NCAM1: variants seen among roughly 807,000 people sequenced by gnomAD.
NCAM1 encodes antigen recognized by monoclonal antibody 5.1H11.
In NCAM1, 14 loss-of-function variants were observed where a neutral mutation model predicts 109.8. The ratio of observed to expected loss-of-function variants is 0.13; its 90% CI spans 0.08 to 0.20. The LOEUF is 0.20. Among genes scored for constraint, NCAM1 ranks in the 10% least tolerant of loss-of-function variants. The pLI, the probability that NCAM1 is intolerant of heterozygous loss-of-function variation, is 1.00. For missense variants in NCAM1, 774 were observed against 1,109.9 expected (o/e 0.70, Z 4.30); for synonymous variants, 418 against 442.9 (o/e 0.94, Z 0.70).
chr11:113,062,456 C>G (rs1319467758), intron 1 of NCAM1, among the ~76,000 whole-genome samples: 1 of 152,132 alleles, frequency 6.6e-6, no homozygotes, highest in Non-Finnish European at 1.5e-5. Context: ...CAGAGAAAAA[C>G]AAAACCAACG....
In NCAM1 at chr11:113,261,403, C is replaced by T. The variant is rs550303871; in HGVS notation, c.2131+1080C>T. The stretch of plus-strand genomic sequence containing the variant: ...TACATGGATGTGTGTGTCTGGGAGA[C>T]GTGTGCTGGACCTCCAGTGAGTTGG... On this transcript the variant is annotated intron_variant, in intron 17 of 19. Transcript: ENST00000316851. Among the ~76,000 whole-genome samples the T allele has an allele frequency of 7.2e-5, 11 of 152,166 alleles. No individual in the cohort carries two copies. In the East Asian group the frequency reaches 1.5e-3, roughly 21 times the overall value.
Position 113,277,289 on chromosome 11 carries a change from A to C in NCAM1, c.*1902A>C. On this transcript the variant is annotated 3_prime_UTR_variant, in exon 20 of 20. Transcript: ENST00000316851. ...TGGCGATGCTAGATTATAATTTCAA[A>C]CTGTGAAGAATAATGGTCTTGTCAT... 2.5e-6 allele frequency: 1 copy of C among 398,914 alleles called. No individual in the cohort carries two copies. Among genetic ancestry groups the C allele is most frequent in the Non-Finnish European group, 4.4e-6 (1 of 226,030 alleles). 24.7% of individuals were successfully genotyped at this position (398,914 alleles called of 1,614,324 possible).
chr11:113,262,815 T>A (rs1946046313), intron 17 of NCAM1: 1 of 1,611,754 alleles, frequency 6.2e-7, no homozygotes, highest in Non-Finnish European at 8.5e-7. Context: ...AACCACATTA[T>A]CTCTGGGGAC....
chr11:113,058,516 T>C (rs1953796996), intron 1 of NCAM1, among the ~76,000 whole-genome samples: 1 of 152,146 alleles, frequency 6.6e-6, no homozygotes, highest in African/African-American at 2.4e-5. Context: ...AGCACTGACT[T>C]CTCCCTGCAT....
chr11:113,059,652 A>G (rs890085410), intron 1 of NCAM1, among the ~76,000 whole-genome samples: 2 of 152,162 alleles, frequency 1.3e-5, no homozygotes, highest in Non-Finnish European at 2.9e-5. Context: ...CAGGTCTCTT[A>G]AGGGCTTCAC....
chr11:113,135,306 T>A (rs1941556961), intron 1 of NCAM1, among the ~76,000 whole-genome samples: 4 of 152,154 alleles, frequency 2.6e-5, no homozygotes, highest in African/African-American at 9.7e-5. Flanking sequence ...ATGTCATCTG[T>A]AAAAAAGCAT....
At chr11:113,036,648 C>T (rs1952898496) in intron 1 of NCAM1, among the ~76,000 whole-genome samples, 1 of 152,126 alleles carries the variant, frequency 6.6e-6, no homozygotes, top group African/African-American at 2.4e-5. Flanking sequence ...GTGCTTCTGA[C>T]CACCTTTTCC....
intron 1 of NCAM1, among the ~76,000 whole-genome samples, chr11:113,097,110 G>T (rs1939636418): frequency 6.6e-6 from 1 of 152,146 alleles, no homozygotes; most frequent in Non-Finnish European, 1.5e-5. Flanking sequence ...GGACCAAACT[G>T]AGTCTGACAT....
chr11:113,065,885 A>G (rs1937928761), intron 1 of NCAM1, among the ~76,000 whole-genome samples: 2 of 152,216 alleles, frequency 1.3e-5, no homozygotes, highest in Admixed American at 1.3e-4. Flanking sequence ...ATAAGATGCT[A>G]ATAATGGAGA....
intron 2 of NCAM1, among the ~76,000 whole-genome samples, chr11:113,204,033 T>C (rs1413546640): frequency 2.0e-5 from 3 of 152,192 alleles, no homozygotes; most frequent in African/African-American, 4.8e-5. Flanking sequence ...GATAGGACCA[T>C]GATAACAACT....
At chr11:113,090,321 G>A (rs1032105801) in intron 1 of NCAM1, among the ~76,000 whole-genome samples, 1 of 152,138 alleles carries the variant, frequency 6.6e-6, no homozygotes, top group Non-Finnish European at 1.5e-5. Flanking sequence ...ATGGGATCAA[G>A]ACAAATACAT....
intron 18 of NCAM1, 112 bp from the exon 19 acceptor site, chr11:113,271,648 G>A (rs1946277346): frequency 5.9e-6 from 4 of 676,124 alleles, no homozygotes; most frequent in South Asian, 4.1e-5. Flanking sequence ...ATTTGAATCT[G>A]TTGGCTCTGG....
chr11:113,255,014 C>T (rs543914773), intron 15 of NCAM1, among the ~76,000 whole-genome samples: 2 of 152,326 alleles, frequency 1.3e-5, no homozygotes, highest in African/African-American at 4.8e-5. Context: ...AGTTCATCTT[C>T]CTTCTCGACC....
rs45534537 is a variant in NCAM1, at chr11:113,270,110, G to A, written c.2132-78G>A. 1,195 of 1,433,700 alleles carry A rather than the reference G, an allele frequency of 8.3e-4. 4 individuals are homozygous for A. The highest frequency in any genetic ancestry group is 4.4e-3 in the East Asian group (194 of 44,054). 88.8% of individuals were successfully genotyped at this position (1,433,700 alleles called of 1,614,324 possible). A position where few individuals can be genotyped will look rare whatever the true frequency, so the allele number is the denominator to read the frequency against. Reference sequence around the variant, plus strand: ...TCTGTCCTCTGGGCCCTCCCCACCCGCAGGGGCTTTTGCTGGCAGGGTCTG... The same window carrying A: ...TCTGTCCTCTGGGCCCTCCCCACCCACAGGGGCTTTTGCTGGCAGGGTCTG... On this transcript the variant is annotated intron_variant, in intron 17 of 19. Transcript: ENST00000316851.
chr11:113,204,546 T>C, intron 3 of NCAM1, 42 bp downstream of exon 3: 1 of 1,586,614 alleles, frequency 6.3e-7, no homozygotes, highest in Non-Finnish European at 8.6e-7. Flanking sequence ...GGCCTCTCCT[T>C]GCCAAGGAGA....
At chr11:113,237,907 TATATATAG>T (rs1555118563) in intron 14 of NCAM1, among the ~76,000 whole-genome samples, 1 of 10,594 alleles carries the variant, frequency 9.4e-5, no homozygotes, top group South Asian at 8.8e-3. Flanking sequence ...GATATATAGA[TATATATAG>T]ATATATAGAT....
At chr11:113,212,608 C>T (rs781927357) in intron 7 of NCAM1, among the ~76,000 whole-genome samples, 8 of 152,204 alleles carry the variant, frequency 5.3e-5, no homozygotes, top group Non-Finnish European at 8.8e-5. Flanking sequence ...CTCAAAACAA[C>T]TGTTGAGTTT....
chr11:113,057,572 G>T lies in NCAM1; in HGVS notation c.52+95908G>T, dbSNP rs556176157. On this transcript the variant is annotated intron_variant, in intron 1 of 19. Coordinates refer to ENST00000316851, the MANE Select transcript of NCAM1 (RefSeq NM_181351.5). ...ATAGCCCACTAATGAGCTAACAGAT[G>T]TCTAAATTAGGACTACACTAGAATG... is the stretch of plus-strand genomic sequence containing the variant. 4.6e-4 allele frequency among the ~76,000 whole-genome samples: 70 copies of T among 152,278 alleles called. 4 individuals are homozygous for T. In the South Asian group the frequency reaches 0.015, roughly 32 times the overall value.
chr11:113,219,009 C>T (rs1473685246), intron 8 of NCAM1, among the ~76,000 whole-genome samples: 10 of 152,108 alleles, frequency 6.6e-5, no homozygotes, highest in African/African-American at 1.4e-4. Context: ...GACTGAGACC[C>T]GTGGATGATG....
Sources: allele counts gnomAD v4.1 joint callset (sites outside exome capture counted in the v4.1 genomes callset), GRCh38; gene constraint gnomAD v4.1.1; transcripts MANE v1.5; gene names NCBI Gene and HGNC (gene_info 2026-07-23, HGNC 2026-07-21).